The following DCUN1D4 variants were observed in gnomAD, a reference collection of about 807,000 sequenced individuals.
DCUN1D4 encodes the protein defective in cullin neddylation 1 domain containing 4, also known as DCN1-like protein 4.
Under a neutral mutation model 47.9 loss-of-function variants are expected in DCUN1D4, and 22 were observed. The observed-to-expected ratio is 0.46, with a 90% confidence interval of 0.33 to 0.66. DCUN1D4 has a LOEUF of 0.66. DCUN1D4 is among the 30% of genes least tolerant of loss of function. The pLI is 0.02. For synonymous variants in DCUN1D4, 121 were observed against 112.2 expected, an observed-to-expected ratio of 1.08 and a Z score of -0.50; for missense variants, 301 against 340.8, an observed-to-expected ratio of 0.88 and a Z score of 0.92.
Position 51,856,728 on chromosome 4 carries a change from T to C in DCUN1D4, c.26-6709T>C, listed in dbSNP as rs187850183. On this transcript the variant is annotated intron_variant, in intron 1 of 10. Transcript: ENST00000334635. ...AAAAGAACATGAACCATTGAGTGCC[T>C]CACTTGCTCATCTCTCACATGCAGT... 2.0e-5 allele frequency among the ~76,000 whole-genome samples: 3 copies of C among 152,342 alleles called. No homozygotes were observed. The East Asian group carries it at 5.8e-4, about 29-fold the overall frequency.
At position 51,845,392 on chromosome 4, in the gene DCUN1D4, G is replaced by A. The variant is rs538349073; in HGVS notation, c.25+2125G>A. ...AAGGTGAGCAAAGGTAATATGTGACGTCTTCAATTTTCGAAGAAGCTTGGA... is the reference window on the plus strand; with the variant it reads ...AAGGTGAGCAAAGGTAATATGTGACATCTTCAATTTTCGAAGAAGCTTGGA... On this transcript the variant is annotated intron_variant, in intron 1 of 10. Coordinates refer to ENST00000334635, the MANE Select transcript of DCUN1D4 (RefSeq NM_001040402.3). The A allele has an allele frequency of 5.9e-5, 35 of 594,104 alleles. No homozygotes were observed. The Admixed American group carries it at 1.6e-3, about 28-fold the overall frequency. The allele number at this position is 594,104 out of a possible 1,614,324, so 36.8% of individuals were successfully genotyped here. A position where few individuals can be genotyped will look rare whatever the true frequency, so the allele number is the denominator to read the frequency against.
the DCUN1D4 span, among the ~76,000 whole-genome samples, chr4:51,837,541 A>G: frequency 3.0e-4 from 45 of 151,454 alleles, no homozygotes; most frequent in East Asian, 6.1e-3. Context: ...TGTAGTCCCA[A>G]CTACTCGGGA....
intron 1 of DCUN1D4, chr4:51,848,298 T>C (rs1440555516): frequency 3.1e-6 from 4 of 1,288,704 alleles, no homozygotes; most frequent in African/African-American, 1.5e-5. Flanking sequence ...TGTTTGTGAA[T>C]GTGCACACGT....
chr4:51,902,989 C>T (rs1290436049), intron 8 of DCUN1D4, among the ~76,000 whole-genome samples: 1 of 152,064 alleles, frequency 6.6e-6, no homozygotes, highest in African/African-American at 2.4e-5. Flanking sequence ...ATTTTGCCCT[C>T]TCATATTTTA....
chr4:51,899,204 C>T (rs1731730733), intron 7 of DCUN1D4, 66 bp from the exon 8 acceptor site: 2 of 1,472,728 alleles, frequency 1.4e-6, no homozygotes, highest in Non-Finnish European at 1.8e-6. Context: ...GTTTATATTA[C>T]TGCCTCTATT....
intron 3 of DCUN1D4, among the ~76,000 whole-genome samples, chr4:51,871,442 T>C (rs957129878): frequency 6.6e-6 from 1 of 152,234 alleles, no homozygotes; most frequent in Non-Finnish European, 1.5e-5. Context: ...GAGGAGCTAA[T>C]GAATGAACTT....
intron 1 of DCUN1D4, among the ~76,000 whole-genome samples, chr4:51,846,818 C>G (rs1290688826): frequency 6.6e-6 from 1 of 152,148 alleles, no homozygotes; most frequent in Non-Finnish European, 1.5e-5. Flanking sequence ...GGTTCTGCAT[C>G]TTTTTCTTCT....
chr4:51,904,077 G>C (rs1732514221), intron 8 of DCUN1D4, among the ~76,000 whole-genome samples: 1 of 151,846 alleles, frequency 6.6e-6, no homozygotes, highest in Admixed American at 6.6e-5. Context: ...TGAATTTTAG[G>C]TATTTGGTTG....
At chr4:51,861,593 A>C (rs1577883978) in intron 1 of DCUN1D4, among the ~76,000 whole-genome samples, 1 of 152,182 alleles carries the variant, frequency 6.6e-6, no homozygotes, top group Non-Finnish European at 1.5e-5. Flanking sequence ...AAGAGACCTC[A>C]TTGCTGGAAT....
intron 3 of DCUN1D4, among the ~76,000 whole-genome samples, chr4:51,868,450 AGTTAGT>A (rs778853806): frequency 1.4e-4 from 22 of 152,348 alleles, no homozygotes; most frequent in Admixed American, 3.9e-4. Context: ...AGTCAATGTC[AGTTAGT>A]GTTAGTAATT....
Position 51,895,448 on chromosome 4 carries a change from G to A in DCUN1D4, c.506+3597G>A, listed in dbSNP as rs544134583. Among the ~76,000 whole-genome samples, 15 of 151,610 alleles carry A rather than the reference G, an allele frequency of 9.9e-5. No individual in the cohort carries two copies. In the East Asian group the frequency reaches 1.2e-3, roughly 12 times the overall value. On this transcript the variant is annotated intron_variant, in intron 7 of 10. Coordinates refer to ENST00000334635, the MANE Select transcript of DCUN1D4 (RefSeq NM_001040402.3). The stretch of plus-strand genomic sequence containing the variant: ...TGGTATGAGAGTTTGGACTTAGGCC[G>A]GCAGCTGGTAGGGAACATCTATCCT...
chr4:51,877,742 A>G, intron 4 of DCUN1D4, 21 bp from the exon 5 acceptor site: 1 of 1,528,394 alleles, frequency 6.5e-7, no homozygotes, highest in Non-Finnish European at 9.0e-7. Flanking sequence ...AATAACTTAA[A>G]ACTGCCTTTT....
chr4:51,901,715 A>G (rs1259468214), intron 8 of DCUN1D4, among the ~76,000 whole-genome samples: 1 of 152,106 alleles, frequency 6.6e-6, no homozygotes, highest in Non-Finnish European at 1.5e-5. Context: ...TTGGCTTTGG[A>G]GTTTGAGTAC....
At chr4:51,838,049 C>A (rs1056774198), upstream of DCUN1D4, among the ~76,000 whole-genome samples, 2 of 152,158 alleles carry the variant, frequency 1.3e-5, no homozygotes, top group South Asian at 4.1e-4. Flanking sequence ...TGGTGGCACA[C>A]GCATGTAGTC....
At chr4:51,842,957 G>T (rs1023819320), upstream of DCUN1D4, 9 of 936,856 alleles carry the variant, frequency 9.6e-6, no homozygotes, top group Non-Finnish European at 1.1e-5. Context: ...GCCTCCGCCA[G>T]GGGCGTTACG....
chr4:51,877,405 G>C lies in DCUN1D4; in HGVS notation c.252-358G>C, dbSNP rs531125942. The C allele has an allele frequency of 1.3e-4, 21 of 159,382 alleles. 1 individual carries two copies. The South Asian group carries it at 3.5e-3, about 27-fold the overall frequency. 9.9% of individuals were successfully genotyped at this position (159,382 alleles called of 1,614,324 possible). A position where few individuals can be genotyped will look rare whatever the true frequency, so the allele number is the denominator to read the frequency against. On this transcript the variant is annotated intron_variant, in intron 4 of 10. Coordinates refer to ENST00000334635, the MANE Select transcript of DCUN1D4 (RefSeq NM_001040402.3). ...CACAGAAGACAGACATGAGTTGTAG[G>C]CTACATTAATAAATGTAGGCAAGAC...
intron 8 of DCUN1D4, among the ~76,000 whole-genome samples, chr4:51,900,416 G>A (rs1043535842): frequency 6.6e-6 from 1 of 152,030 alleles, no homozygotes; most frequent in Non-Finnish European, 1.5e-5. Context: ...TTGATAAAAT[G>A]GCATTTGCAT....
intron 6 of DCUN1D4, among the ~76,000 whole-genome samples, chr4:51,887,853 T>C (rs968878136): frequency 2.0e-4 from 30 of 152,206 alleles, no homozygotes; most frequent in Admixed American, 1.2e-3. Context: ...TAAAGAGCCT[T>C]TGGAATGTCT....
chr4:51,839,621 G>C (rs1721582379), upstream of DCUN1D4, among the ~76,000 whole-genome samples: 2 of 152,252 alleles, frequency 1.3e-5, no homozygotes, highest in South Asian at 4.1e-4. Flanking sequence ...CCAAATACTA[G>C]AAACCCACCT....
Sources: allele counts gnomAD v4.1 joint callset (sites outside exome capture counted in the v4.1 genomes callset), GRCh38; gene constraint gnomAD v4.1.1; transcripts MANE v1.5; gene names NCBI Gene and HGNC (gene_info 2026-07-23, HGNC 2026-07-21).